Variants in MAD1L1 observed in about 807,000 individuals in gnomAD.
MAD1L1 encodes the protein mitotic spindle assembly checkpoint protein MAD1.
A neutral mutation model predicts 96.9 loss-of-function variants in MAD1L1; 95 were observed. That is an observed-to-expected ratio of 0.98 (90% CI 0.83 to 1.16). The LOEUF (loss-of-function observed/expected upper bound fraction) is 1.16, where lower values mean the gene tolerates loss of function less well. Among genes scored for constraint, MAD1L1 ranks in the 50% most tolerant of loss-of-function variants. The probability of loss-of-function intolerance (pLI) is 0.00; values close to 1 mark genes in which losing one functional copy is unlikely to be tolerated. For missense variants in MAD1L1, 1,007 were observed against 954.4 expected (o/e 1.06, Z -0.73); for synonymous variants, 473 against 396.6 (o/e 1.19, Z -2.29).
At chr7:2,225,238 C>A (rs1793822753) in intron 4 of MAD1L1, among the ~76,000 whole-genome samples, 172 bp downstream of exon 4, 1 of 38,966 alleles carries the variant, frequency 2.6e-5, no homozygotes, top group African/African-American at 5.3e-5. Context: ...CGTGCACAGC[C>A]CCCTTGCTCC....
intron 18 of MAD1L1, among the ~76,000 whole-genome samples, chr7:1,885,760 G>A (rs112042509): frequency 0.033 from 5,014 of 152,248 alleles, 188 homozygotes; most frequent in Admixed American, 0.096. Context: ...TCGGCAGCCC[G>A]GCGCCCAGAG....
chr7:2,075,306 C>T (rs1042705375), intron 11 of MAD1L1, among the ~76,000 whole-genome samples: 1 of 152,166 alleles, frequency 6.6e-6, no homozygotes, highest in African/African-American at 2.4e-5. Flanking sequence ...CAGGTAGAGG[C>T]GCTCCGGCAA....
chr7:2,192,433 A>G lies in MAD1L1; in HGVS notation c.986+20779T>C, dbSNP rs530693392. Among the ~76,000 whole-genome samples, 3 of 152,276 alleles carry G rather than the reference A, an allele frequency of 2.0e-5. No individual in the cohort carries two copies. In the South Asian group the frequency reaches 6.2e-4, roughly 32 times the overall value. On this transcript the variant is annotated intron_variant, in intron 10 of 18. Coordinates refer to ENST00000265854, the MANE Select transcript of MAD1L1 (RefSeq NM_001013836.2). ...AGGCGTGAGCCACCACACCCGGCCA[A>G]ATCTGCGTTTTAAGCTGACAGGGAA...
intron 15 of MAD1L1, among the ~76,000 whole-genome samples, chr7:1,973,424 C>A (rs1780490674): frequency 6.6e-6 from 1 of 152,104 alleles, no homozygotes. Flanking sequence ...GACAGACAGG[C>A]AGGTGTGAAC....
At chr7:1,957,253 G>T (rs1779764863) in intron 16 of MAD1L1, among the ~76,000 whole-genome samples, 1 of 152,246 alleles carries the variant, frequency 6.6e-6, no homozygotes, top group Non-Finnish European at 1.5e-5. Context: ...CCTCGAACCT[G>T]AGGGCTTCCT....
intron 11 of MAD1L1, among the ~76,000 whole-genome samples, chr7:2,089,460 G>A (rs1039500133): frequency 3.9e-5 from 6 of 152,094 alleles, no homozygotes; most frequent in African/African-American, 7.2e-5. Flanking sequence ...ACCATGATTC[G>A]GAGCCCTCCA....
chr7:2,063,613 C>T (rs1309619502), intron 12 of MAD1L1, among the ~76,000 whole-genome samples: 2 of 152,206 alleles, frequency 1.3e-5, no homozygotes, highest in African/African-American at 2.4e-5. Flanking sequence ...GTGTCTCCAC[C>T]GTGCTATTCC....
rs1009102802 is a variant in MAD1L1 at position 2,135,703 on chromosome 7, C to T, written c.1073+13449G>A. ...CCTCGGGACAATGCCCACCAGCTCT[C>T]GCCACCTCTCACGGCCACATATGGG... On this transcript the variant is annotated intron_variant, in intron 11 of 18. Coordinates refer to ENST00000265854, the MANE Select transcript of MAD1L1 (RefSeq NM_001013836.2). Among the ~76,000 whole-genome samples, 3 of 152,212 alleles carry T rather than the reference C, an allele frequency of 2.0e-5. No homozygotes were observed. The South Asian group carries it at 6.2e-4, about 32-fold the overall frequency.
At chr7:1,859,561 T>C (rs528743690) in intron 18 of MAD1L1, among the ~76,000 whole-genome samples, 1 of 152,284 alleles carries the variant, frequency 6.6e-6, no homozygotes, top group Non-Finnish European at 1.5e-5. Context: ...CTTTATGTTT[T>C]TCTCTGGGGA....
chr7:2,167,263 G>A (rs1790475594), intron 10 of MAD1L1, among the ~76,000 whole-genome samples: 1 of 152,140 alleles, frequency 6.6e-6, no homozygotes, highest in African/African-American at 2.4e-5. Context: ...GTCATGATTA[G>A]CAGGCCGGGC....
intron 15 of MAD1L1, among the ~76,000 whole-genome samples, chr7:1,972,770 A>G (rs1040590307): frequency 1.3e-5 from 2 of 152,074 alleles, no homozygotes; most frequent in African/African-American, 4.8e-5. Flanking sequence ...TTAAGAGACC[A>G]TTCCTCTTTC....
chr7:2,189,722 T>C (rs1164315551), intron 10 of MAD1L1, among the ~76,000 whole-genome samples: 1 of 152,230 alleles, frequency 6.6e-6, no homozygotes, highest in Non-Finnish European at 1.5e-5. Context: ...ATGGTGGTGA[T>C]GGTTGCACAG....
intron 12 of MAD1L1, among the ~76,000 whole-genome samples, chr7:2,056,796 G>T (rs547052348): frequency 5.3e-5 from 8 of 152,246 alleles, no homozygotes; most frequent in African/African-American, 1.9e-4. Flanking sequence ...GCGGCCGATC[G>T]CGGAGAGGAA....
intron 12 of MAD1L1, among the ~76,000 whole-genome samples, chr7:2,019,672 C>A (rs898441132): frequency 6.6e-6 from 1 of 151,764 alleles, no homozygotes; most frequent in Non-Finnish European, 1.5e-5. Flanking sequence ...ACCCCCCACA[C>A]AAGGCCACGC....
intron 13 of MAD1L1, among the ~76,000 whole-genome samples, chr7:2,010,487 C>T (rs1437246087): frequency 6.6e-6 from 1 of 152,124 alleles, no homozygotes; most frequent in Non-Finnish European, 1.5e-5. Context: ...AGGTGGCGTG[C>T]ACTGCGTATT....
chr7:1,948,350 T>G (rs998517081), intron 16 of MAD1L1, among the ~76,000 whole-genome samples: 1 of 151,166 alleles, frequency 6.6e-6, no homozygotes, highest in Non-Finnish European at 1.5e-5. Context: ...GTGTGCTGTA[T>G]AGCCTCCGCT....
At chr7:1,905,453 C>G (rs868732182) in intron 17 of MAD1L1, among the ~76,000 whole-genome samples, 69 of 101,160 alleles carry the variant, frequency 6.8e-4, no homozygotes, top group African/African-American at 1.7e-3. Flanking sequence ...AGGCAGCAAG[C>G]ACGCAGTGGC....
At chr7:2,046,712 G>A (rs1783938034) in intron 12 of MAD1L1, among the ~76,000 whole-genome samples, 1 of 152,186 alleles carries the variant, frequency 6.6e-6, no homozygotes, top group Non-Finnish European at 1.5e-5. Context: ...GCCCGCCTGT[G>A]CCCAAGGGGC....
intron 16 of MAD1L1, among the ~76,000 whole-genome samples, chr7:1,953,874 C>T (rs978820085): frequency 6.6e-6 from 1 of 152,252 alleles, no homozygotes; most frequent in Non-Finnish European, 1.5e-5. Context: ...AGGCTGCACA[C>T]TTCACACACA....
Sources: gnomAD v4.1 joint callset for allele counts (sites outside exome capture counted in the v4.1 genomes callset) on GRCh38, gnomAD v4.1.1 for gene constraint, MANE v1.5 for transcripts, NCBI Gene and HGNC (gene_info 2026-07-23, HGNC 2026-07-21) for gene names.